The following VGLL3 variants were observed in gnomAD, a reference collection of about 807,000 sequenced individuals.
The protein encoded by VGLL3 is transcription cofactor vestigial-like protein 3.
A neutral mutation model predicts 29.2 loss-of-function variants in VGLL3; 18 were observed. The ratio of observed to expected loss-of-function variants is 0.62; its 90% CI spans 0.43 to 0.91. The LOEUF (loss-of-function observed/expected upper bound fraction) is 0.91, where lower values mean the gene tolerates loss of function less well. Among genes scored for constraint, VGLL3 ranks in the 40% least tolerant of loss-of-function variants. VGLL3 has a pLI of 0.00. For synonymous variants in VGLL3, 180 were observed against 151.8 expected, an observed-to-expected ratio of 1.19 and a Z score of -1.36; for missense variants, 440 against 413.2, an observed-to-expected ratio of 1.06 and a Z score of -0.56.
chr3:86,975,936 A>AC (rs1489651561), intron 2 of VGLL3, among the ~76,000 whole-genome samples: 2 of 151,948 alleles, frequency 1.3e-5, no homozygotes, highest in Non-Finnish European at 2.9e-5. Context: ...ACATGGTGAA[A>AC]CCCCGTCTCT....
rs1704332773 is a variant in VGLL3 at position 86,938,922 on chromosome 3, A to G, written c.*8102T>C. 1 of 152,232 alleles carries G rather than the reference A, an allele frequency of 6.6e-6. No individual in the cohort carries two copies. Among genetic ancestry groups the G allele is most frequent in the Non-Finnish European group, 1.5e-5 (1 of 68,064 alleles). The allele number at this position is 152,232 out of a possible 1,614,324, so 9.4% of individuals were successfully genotyped here. On this transcript the variant is annotated 3_prime_UTR_variant, in exon 4 of 4. Coordinates refer to ENST00000398399, the MANE Select transcript of VGLL3 (RefSeq NM_016206.4). Reference sequence around the variant, plus strand: ...GGTCTAAGTTCCCAAAAAAGGAAGCAAAACAATTAAATCCTACTTGGTTGT... The same window carrying G: ...GGTCTAAGTTCCCAAAAAAGGAAGCGAAACAATTAAATCCTACTTGGTTGT...
chr3:86,973,028 T>C (rs1705135940), intron 2 of VGLL3, among the ~76,000 whole-genome samples: 1 of 151,968 alleles, frequency 6.6e-6, no homozygotes, highest in Non-Finnish European at 1.5e-5. Flanking sequence ...AATTTCACAA[T>C]AGTGGGATAC....
chr3:86,978,560 T>C lies in VGLL3; in HGVS notation c.369A>G (p.Ser123=), dbSNP rs568422443. 1.1e-5 allele frequency: 18 copies of C among 1,614,198 alleles called. No individual in the cohort carries two copies. In the Admixed American group the frequency reaches 2.7e-4, roughly 24 times the overall value. Residue 123 remains serine, a synonymous_variant, in exon 2 of 4, where the codon TCA becomes TCG. Transcript: ENST00000398399. The part of the protein sequence containing the change: ...AITLHPESAI[S]KSKMGLTPLW... ...GGGGGGTTAGCCCCATCTTGCTTTT[T>C]GAAATGGCAGATTCTGGATGGAGGG...
chr3:86,969,698 T>C (rs1279067693), intron 2 of VGLL3, among the ~76,000 whole-genome samples: 1 of 150,832 alleles, frequency 6.6e-6, no homozygotes, highest in East Asian at 1.9e-4. Context: ...TTTATTTATT[T>C]ATTTATTTAT....
At chr3:86,958,939 G>T (rs1704780944) in intron 3 of VGLL3, among the ~76,000 whole-genome samples, 1 of 152,142 alleles carries the variant, frequency 6.6e-6, no homozygotes, top group Non-Finnish European at 1.5e-5. Context: ...AAAAAGTTTT[G>T]TAGAAAGTGT....
intron 2 of VGLL3, among the ~76,000 whole-genome samples, chr3:86,969,675 T>TTTTATTTATTTATTTATTTA (rs201595037): frequency 8.3e-5 from 12 of 145,412 alleles, no homozygotes; most frequent in African/African-American, 2.3e-4. Context: ...TCCAACCTCA[T>TTTTATTTATTTATTTATTTA]TTTATTTATT....
chr3:86,967,068 T>C (rs1042468089), intron 3 of VGLL3, among the ~76,000 whole-genome samples: 2 of 151,818 alleles, frequency 1.3e-5, no homozygotes, highest in Non-Finnish European at 2.9e-5. Context: ...AGTACAAAAG[T>C]AGGCTCTCAA....
chr3:86,976,353 C>G (rs1028272179), intron 2 of VGLL3, among the ~76,000 whole-genome samples: 1 of 152,178 alleles, frequency 6.6e-6, no homozygotes, highest in African/African-American at 2.4e-5. Context: ...TTTGTTATCA[C>G]CTTATGTAAA....
At position 86,938,367 on chromosome 3, in the gene VGLL3, A is replaced by C. The variant is rs1157292048; in HGVS notation, c.*8657T>G. The C allele has an allele frequency of 6.6e-6, 1 of 152,634 alleles. No individual in the cohort carries two copies. The highest frequency in any genetic ancestry group is 1.5e-5 in the Non-Finnish European group (1 of 68,040). The allele number at this position is 152,634 out of a possible 1,614,324, so 9.5% of individuals were successfully genotyped here. The stretch of plus-strand genomic sequence containing the variant: ...ACAAAACCATACATAGCTCATTTGA[A>C]AAAGATTCTTAAGCTTTCAACAGAA... On this transcript the variant is annotated 3_prime_UTR_variant, in exon 4 of 4. Transcript: ENST00000398399.
chr3:86,980,140 TTACTTTG>T (rs1705294045), intron 1 of VGLL3, among the ~76,000 whole-genome samples: 2 of 151,860 alleles, frequency 1.3e-5, no homozygotes, highest in Non-Finnish European at 2.9e-5. Flanking sequence ...TTTTTTTTTT[TTACTTTG>T]AAAAAAACGC....
In VGLL3 at chr3:86,968,966, C is replaced by G. The variant is rs1705025582; in HGVS notation, c.561G>C (p.Trp187Cys). ...CAGTCTGATGCAGGTTGTGTCCCGG[C>G]CAAGGACTGGGATCAGCTGCAGAAA... ...GTFSAADPSP[W>C]PGHNLHQTGP... Residue 187 changes from tryptophan (W) to cysteine (C), a missense_variant, in exon 3 of 4, where the codon TGG (tryptophan) becomes TGC (cysteine). Coordinates refer to ENST00000398399, the MANE Select transcript of VGLL3 (RefSeq NM_016206.4). The G allele has an allele frequency of 6.2e-7, 1 of 1,613,908 alleles. No individual in the cohort carries two copies. The highest frequency in any genetic ancestry group is 1.3e-5 in the African/African-American group (1 of 74,864).
intron 3 of VGLL3, among the ~76,000 whole-genome samples, chr3:86,959,751 C>T (rs778279835): frequency 1.3e-5 from 2 of 152,118 alleles, no homozygotes; most frequent in South Asian, 2.1e-4. Flanking sequence ...AACATTAGTA[C>T]CCCAATGAAA....
intron 3 of VGLL3, among the ~76,000 whole-genome samples, chr3:86,953,432 G>A (rs1178258682): frequency 2.0e-5 from 3 of 151,536 alleles, no homozygotes; most frequent in East Asian, 1.9e-4. Context: ...ACACACACAC[G>A]GGTGTACAAA....
rs765425702 is a variant in VGLL3 at position 86,968,852 on chromosome 3, C to T, written c.675G>A (p.Val225=). ...VSPSYSHMHD[V]YMRHHHPHAH... ...CATGAGGGTGGTGGTGCCGCATGTACACGTCATGCATATGGCTGTAGGATG... is the reference window on the plus strand; with the variant it reads ...CATGAGGGTGGTGGTGCCGCATGTATACGTCATGCATATGGCTGTAGGATG... Residue 225 remains valine, a synonymous_variant, in exon 3 of 4, where the codon GTG becomes GTA. Transcript: ENST00000398399. The T allele has an allele frequency of 1.2e-6, 2 of 1,614,152 alleles. No homozygotes were observed. Among genetic ancestry groups the T allele is most frequent in the Non-Finnish European group, 1.7e-6 (2 of 1,180,038 alleles).
rs1704782161 is a variant in VGLL3 at position 86,959,009 on chromosome 3, T to TCCAGA, written c.937+9580_937+9581insTCTGG. On this transcript the variant is annotated intron_variant, in intron 3 of 3. Coordinates refer to ENST00000398399, the MANE Select transcript of VGLL3 (RefSeq NM_016206.4). ...TGTTACCAAATCATCATAAACTCAA[T>TCCAGA]AATGACAACAAAGTCCAGAAAAAGT... Among the ~76,000 whole-genome samples the TCCAGA allele has an allele frequency of 1.6e-4, 25 of 152,318 alleles. No homozygotes were observed. In the South Asian group the frequency reaches 4.8e-3, roughly 29 times the overall value.
At chr3:86,954,594 T>C (rs1704679779) in intron 3 of VGLL3, among the ~76,000 whole-genome samples, 1 of 152,102 alleles carries the variant, frequency 6.6e-6, no homozygotes, top group Admixed American at 6.5e-5. Flanking sequence ...TGGACATATA[T>C]AAAAAACATG....
intron 2 of VGLL3, among the ~76,000 whole-genome samples, chr3:86,971,640 A>G (rs905650251): frequency 6.6e-6 from 1 of 152,220 alleles, no homozygotes; most frequent in African/African-American, 2.4e-5. Context: ...TGAATTAACA[A>G]TCGTCTCTTT....
At chr3:86,954,283 G>C (rs913803318) in intron 3 of VGLL3, among the ~76,000 whole-genome samples, 2 of 152,206 alleles carry the variant, frequency 1.3e-5, no homozygotes, top group African/African-American at 4.8e-5. Flanking sequence ...TACAGCACCT[G>C]CTCACCTGAG....
At chr3:86,957,477 T>C (rs2106982186) in intron 3 of VGLL3, among the ~76,000 whole-genome samples, 1 of 152,338 alleles carries the variant, frequency 6.6e-6, no homozygotes, top group Non-Finnish European at 1.5e-5. Context: ...TTTCATTCTG[T>C]ATCATGTATC....
Sources: gnomAD v4.1 joint callset for allele counts (sites outside exome capture counted in the v4.1 genomes callset) on GRCh38, gnomAD v4.1.1 for gene constraint, MANE v1.5 for transcripts, NCBI Gene and HGNC (gene_info 2026-07-23, HGNC 2026-07-21) for gene names.